Variants in PDE8A observed in about 807,000 individuals in gnomAD.
The protein encoded by PDE8A is high affinity cAMP-specific and IBMX-insensitive 3',5'-cyclic phosphodiesterase 8A.
Under a neutral mutation model 105.0 loss-of-function variants are expected in PDE8A, and 59 were observed. The ratio of observed to expected loss-of-function variants is 0.56; its 90% CI spans 0.46 to 0.70. The LOEUF is 0.70. Ranked by LOEUF, PDE8A falls within the 30% of genes least tolerant of loss-of-function variation. The pLI is 0.00. For synonymous variants in PDE8A, 355 were observed against 371.9 expected, an observed-to-expected ratio of 0.95 and a Z score of 0.52; for missense variants, 1,014 against 1,045.9, an observed-to-expected ratio of 0.97 and a Z score of 0.42.
In PDE8A at chr15:84,982,365, A is replaced by G. The variant is rs947434934; in HGVS notation, c.186+17A>G. On this transcript the variant is annotated intron_variant, in intron 1 of 21. Coordinates refer to ENST00000394553, the MANE Select transcript of PDE8A (RefSeq NM_002605.3). ...GGCAAGAAGGTAAGGGGCGCCGGGCACTCTGGGGCCGCCGCGAAACTCGGG... is the reference window on the plus strand; with the variant it reads ...GGCAAGAAGGTAAGGGGCGCCGGGCGCTCTGGGGCCGCCGCGAAACTCGGG... The G allele has an allele frequency of 3.1e-6, 4 of 1,293,076 alleles. No individual in the cohort carries two copies. The highest frequency in any genetic ancestry group is 3.9e-6 in the Non-Finnish European group (4 of 1,020,928). 80.1% of individuals were successfully genotyped at this position (1,293,076 alleles called of 1,614,324 possible).
intron 19 of PDE8A, 36 bp from the exon 20 acceptor site, chr15:85,126,171 C>T: frequency 6.6e-7 from 1 of 1,526,692 alleles, no homozygotes; most frequent in Non-Finnish European, 8.9e-7. Context: ...ACCAAGGGAT[C>T]CATTTTGATT....
chr15:85,077,756 T>G (rs570757609), intron 5 of PDE8A, among the ~76,000 whole-genome samples: 1 of 152,086 alleles, frequency 6.6e-6, no homozygotes, highest in South Asian at 2.1e-4. Context: ...GGTAAAGAAA[T>G]AAAAGATAAA....
chr15:85,047,913 CTTTATA>C (rs2036252611), intron 1 of PDE8A, among the ~76,000 whole-genome samples: 2 of 151,834 alleles, frequency 1.3e-5, no homozygotes, highest in South Asian at 2.1e-4. Flanking sequence ...TCATTATTGT[CTTTATA>C]TTTATTTTCC....
chr15:85,076,837 A>AT (rs770202695), intron 5 of PDE8A, 50 bp downstream of exon 5: 3 of 1,168,850 alleles, frequency 2.6e-6, no homozygotes, highest in Admixed American at 3.4e-5. Flanking sequence ...TTGAGAAATT[A>AT]TTTTATCTCA....
Position 85,075,924 on chromosome 15 carries a change from C to CT in PDE8A, c.491+9dup, listed in dbSNP as rs1345880443. On this transcript the variant is annotated splice_region_variant and intron_variant, in intron 4 of 21. Transcript: ENST00000394553. ...ATTGTTGGTGTAGTACGCAGGTAAACTTTCATTTTTTTAATGTTGAAATTG... is the reference window on the plus strand; with the variant it reads ...ATTGTTGGTGTAGTACGCAGGTAAACTTTTCATTTTTTTAATGTTGAAATTG... 3 of 1,528,528 alleles carry CT rather than the reference C, an allele frequency of 2.0e-6. No individual in the cohort carries two copies. The highest frequency in any genetic ancestry group is 2.7e-6 in the Non-Finnish European group (3 of 1,107,748). The allele number at this position is 1,528,528 out of a possible 1,614,324, so 94.7% of individuals were successfully genotyped here.
chr15:84,986,138 G>A (rs923286749), intron 1 of PDE8A, among the ~76,000 whole-genome samples: 1 of 152,118 alleles, frequency 6.6e-6, no homozygotes, highest in African/African-American at 2.4e-5. Flanking sequence ...GAGGTGGGAG[G>A]ATCACCTGAG....
At position 85,030,989 on chromosome 15, in the gene PDE8A, A is replaced by G. The variant is rs538082976; in HGVS notation, c.187-33381A>G. On this transcript the variant is annotated intron_variant, in intron 1 of 21. Coordinates refer to ENST00000394553, the MANE Select transcript of PDE8A (RefSeq NM_002605.3). ...ATGGGATTTATGTTTTTATTTCTATAACATCAGTACTCAGTATACGTTTAG... is the reference window on the plus strand; with the variant it reads ...ATGGGATTTATGTTTTTATTTCTATGACATCAGTACTCAGTATACGTTTAG... Among the ~76,000 whole-genome samples, 115 of 152,356 alleles carry G rather than the reference A, an allele frequency of 7.5e-4. 1 individual carries two copies. The highest frequency in any genetic ancestry group is 2.7e-3 in the African/African-American group (112 of 41,584).
chr15:85,084,136 C>G (rs2081511479), intron 6 of PDE8A, among the ~76,000 whole-genome samples: 1 of 151,642 alleles, frequency 6.6e-6, no homozygotes, highest in African/African-American at 2.4e-5. Context: ...ATAATTTTAT[C>G]AGCTTGACAA....
At chr15:85,066,311 A>T (rs2081224280) in intron 2 of PDE8A, among the ~76,000 whole-genome samples, 2 of 152,080 alleles carry the variant, frequency 1.3e-5, no homozygotes, top group South Asian at 4.1e-4. Flanking sequence ...CTGCAATCCC[A>T]GCACTTTGGG....
In PDE8A at chr15:84,984,455, GTTTC is replaced by G. The variant is rs371938603; in HGVS notation, c.186+2111_186+2114del. The stretch of plus-strand genomic sequence containing the variant: ...TTAGCAAAATTAAATCATAAAATTA[GTTTC>G]TTTGTATTATCTCAAGATGCAATTT... On this transcript the variant is annotated intron_variant, in intron 1 of 21. Coordinates refer to ENST00000394553, the MANE Select transcript of PDE8A (RefSeq NM_002605.3). 1.0e-3 allele frequency among the ~76,000 whole-genome samples: 156 copies of G among 152,124 alleles called. 1 individual carries two copies. Among genetic ancestry groups the G allele is most frequent in the African/African-American group, 1.9e-3 (77 of 41,416 alleles).
intron 1 of PDE8A, among the ~76,000 whole-genome samples, chr15:85,054,963 C>T (rs1299253181): frequency 6.6e-6 from 1 of 152,058 alleles, no homozygotes; most frequent in Non-Finnish European, 1.5e-5. Flanking sequence ...CTATAAATTT[C>T]CCTCTACACA....
Position 85,100,172 on chromosome 15 carries a change from A to G in PDE8A, c.1010A>G (p.Glu337Gly). ...NGNNKAEKIS[E>G]CVQSDTHTDN... ...CACTTTTAGGCTGAGAAAATATCCGAATGTGTTCAGTCTGACACTCATACA... is the reference window on the plus strand; with the variant it reads ...CACTTTTAGGCTGAGAAAATATCCGGATGTGTTCAGTCTGACACTCATACA... The change falls in exon 11 of 22, where the codon GAA (glutamate) becomes GGA (glycine). Residue 337 changes from glutamate (E) to glycine (G), a missense_variant. Glu to Gly is a moderately conservative substitution (Grantham distance 98, BLOSUM62 -2). Coordinates refer to ENST00000394553, the MANE Select transcript of PDE8A (RefSeq NM_002605.3). 1 of 1,613,904 alleles carries G rather than the reference A, an allele frequency of 6.2e-7. No individual in the cohort carries two copies. The highest frequency in any genetic ancestry group is 8.5e-7 in the Non-Finnish European group (1 of 1,179,748).
intron 1 of PDE8A, 77 bp downstream of exon 1, chr15:84,982,425 G>C (rs539882052): frequency 8.2e-5 from 82 of 1,001,338 alleles, no homozygotes; most frequent in Admixed American, 3.4e-4. Context: ...CAGGGGCCGG[G>C]CGGGGTCCCC....
intron 3 of PDE8A, among the ~76,000 whole-genome samples, chr15:85,068,670 C>G (rs1261188540): frequency 6.6e-6 from 1 of 152,052 alleles, no homozygotes; most frequent in Non-Finnish European, 1.5e-5. Flanking sequence ...GTAGAGGTGT[C>G]TAAGGTGGGC....
chr15:85,016,290 A>G (rs2080323925), intron 1 of PDE8A, among the ~76,000 whole-genome samples: 1 of 152,228 alleles, frequency 6.6e-6, no homozygotes, highest in South Asian at 2.1e-4. Flanking sequence ...TAAAATATTT[A>G]CCCATGTACT....
In PDE8A at chr15:85,073,646, A is replaced by G. The variant is rs1429340416; in HGVS notation, c.435-2216A>G. On this transcript the variant is annotated intron_variant, in intron 3 of 21. Coordinates refer to ENST00000394553, the MANE Select transcript of PDE8A (RefSeq NM_002605.3). Reference sequence around the variant, plus strand: ...ACTTAAATTTGCCCTTTCTCCTTCCAAATCTCTGTGATATGATGGAAATGT... The same window carrying G: ...ACTTAAATTTGCCCTTTCTCCTTCCGAATCTCTGTGATATGATGGAAATGT... Among the ~76,000 whole-genome samples, 4 of 152,250 alleles carry G rather than the reference A, an allele frequency of 2.6e-5. No individual in the cohort carries two copies. In the East Asian group the frequency reaches 7.7e-4, roughly 29 times the overall value.
intron 1 of PDE8A, among the ~76,000 whole-genome samples, chr15:85,035,566 T>C (rs2080692677): frequency 6.6e-6 from 1 of 152,262 alleles, no homozygotes; most frequent in Non-Finnish European, 1.5e-5. Context: ...ATAGTGAAGG[T>C]ACTTAGTGTT....
At chr15:85,078,961 A>G (rs2081422778) in intron 5 of PDE8A, among the ~76,000 whole-genome samples, 1 of 152,204 alleles carries the variant, frequency 6.6e-6, no homozygotes, top group African/African-American at 2.4e-5. Context: ...CCCAAGGAAA[A>G]TAATTCAGAA....
intron 16 of PDE8A, among the ~76,000 whole-genome samples, 154 bp from the exon 17 acceptor site, chr15:85,117,487 T>C (rs949702270): frequency 6.6e-6 from 1 of 152,114 alleles, no homozygotes; most frequent in Non-Finnish European, 1.5e-5. Context: ...CCAGAGTTGG[T>C]TGGCCCCACC....
Sources: allele counts gnomAD v4.1 joint callset (sites outside exome capture counted in the v4.1 genomes callset), GRCh38; gene constraint gnomAD v4.1.1; transcripts MANE v1.5; gene names NCBI Gene and HGNC (gene_info 2026-07-23, HGNC 2026-07-21).